Variants in FKBP5 observed in about 807,000 individuals in gnomAD.
FKBP5 encodes the protein peptidyl-prolyl cis-trans isomerase FKBP5.
FKBP5 carries 23 observed loss-of-function variants against 50.5 expected under a neutral mutation model. That is an observed-to-expected ratio of 0.46 (90% CI 0.33 to 0.65). The LOEUF (loss-of-function observed/expected upper bound fraction) is 0.65. Ranked by LOEUF, FKBP5 falls within the 30% of genes least tolerant of loss-of-function variation. The pLI is 0.02. For missense variants in FKBP5, 411 were observed against 553.1 expected, an observed-to-expected ratio of 0.74 and a Z score of 2.58; for synonymous variants, 176 against 190.6, an observed-to-expected ratio of 0.92 and a Z score of 0.63.
At chr6:35,639,067 T>C (rs1450562692) in intron 2 of FKBP5, among the ~76,000 whole-genome samples, 1 of 152,242 alleles carries the variant, frequency 6.6e-6, no homozygotes, top group Non-Finnish European at 1.5e-5. Flanking sequence ...ATCTAGGTTC[T>C]ATTCATTTTT....
chr6:35,588,895 C>T (rs1762703112), intron 7 of FKBP5, among the ~76,000 whole-genome samples: 1 of 150,724 alleles, frequency 6.6e-6, no homozygotes, highest in Admixed American at 6.6e-5. Context: ...AATGTGCTAC[C>T]ACACCCAGGA....
At chr6:35,640,927 A>C (rs1764467186) in intron 2 of FKBP5, among the ~76,000 whole-genome samples, 1 of 152,112 alleles carries the variant, frequency 6.6e-6, no homozygotes, top group Non-Finnish European at 1.5e-5. Flanking sequence ...CTCCTATAAT[A>C]ACAATGCCTT....
At chr6:35,584,627 C>A (rs1762545723) in intron 8 of FKBP5, 1 of 985,336 alleles carries the variant, frequency 1.0e-6, no homozygotes, top group Admixed American at 6.2e-5. Flanking sequence ...AGGACTACTG[C>A]TGGGATCTTT....
chr6:35,581,452 TG>T, intron 8 of FKBP5: 1 of 314,582 alleles, frequency 3.2e-6, no homozygotes, highest in Non-Finnish European at 4.6e-6. Context: ...GAGCCAGGCA[TG>T]GTGGCATATG....
intron 2 of FKBP5, among the ~76,000 whole-genome samples, chr6:35,637,461 T>C: frequency 8.4e-6 from 1 of 118,522 alleles, no homozygotes; most frequent in African/African-American, 4.4e-5. Flanking sequence ...TAAACTCTTT[T>C]TTTTTTTTTT....
rs541947803 is a variant in FKBP5, at chr6:35,665,489, CTA to C, written c.-19-22648_-19-22647del. ...TATTTTTAGTAGAGATAGGGTTTCA[CTA>C]TGTTTGCCAGAATGGTCTCAATCTC... On this transcript the variant is annotated intron_variant, in intron 1 of 10. Transcript: ENST00000357266. Among the ~76,000 whole-genome samples the C allele has an allele frequency of 1.1e-3, 170 of 152,230 alleles. 2 individuals carry two copies. Among genetic ancestry groups the C allele is most frequent in the Admixed American group, 2.4e-3 (37 of 15,300 alleles).
intron 5 of FKBP5, among the ~76,000 whole-genome samples, chr6:35,617,833 G>T (rs1318082884): frequency 6.6e-6 from 1 of 152,168 alleles, no homozygotes; most frequent in Non-Finnish European, 1.5e-5. Context: ...CATATAATTT[G>T]CTCCGGGAGG....
At chr6:35,582,782 C>T (rs1425349493) in intron 8 of FKBP5, 17 of 985,280 alleles carry the variant, frequency 1.7e-5, no homozygotes, top group Middle Eastern at 5.2e-4. Context: ...CATTTTCTTT[C>T]TGTCACTGCC....
At chr6:35,612,504 T>C (rs1209487192) in intron 5 of FKBP5, among the ~76,000 whole-genome samples, 2 of 152,238 alleles carry the variant, frequency 1.3e-5, no homozygotes, top group Non-Finnish European at 1.5e-5. Context: ...GTCCACTAAA[T>C]GTCTGACACT....
At chr6:35,597,859 A>T (rs929201641) in intron 5 of FKBP5, among the ~76,000 whole-genome samples, 1 of 152,234 alleles carries the variant, frequency 6.6e-6, no homozygotes, top group African/African-American at 2.4e-5. Context: ...AATGATATAC[A>T]AAGATTAAAT....
chr6:35,584,735 C>A (rs956805373), intron 8 of FKBP5: 1 of 985,378 alleles, frequency 1.0e-6, no homozygotes, highest in Non-Finnish European at 1.2e-6. Flanking sequence ...GGTTTTGAAC[C>A]TTTCATTAAT....
chr6:35,614,422 T>A (rs184208887), intron 5 of FKBP5, among the ~76,000 whole-genome samples: 4 of 152,240 alleles, frequency 2.6e-5, no homozygotes, highest in Non-Finnish European at 4.4e-5. Flanking sequence ...ATAAAACGAA[T>A]AATTAAAATT....
chr6:35,711,411 A>G (rs992184942), intron 2 of FKBP5, among the ~76,000 whole-genome samples: 16 of 152,002 alleles, frequency 1.1e-4, no homozygotes, highest in Non-Finnish European at 2.4e-4. Flanking sequence ...TGAGGTCAGG[A>G]GTTCAAGACC....
At chr6:35,718,234 G>A (rs1214507187) in intron 2 of FKBP5, among the ~76,000 whole-genome samples, 1 of 152,232 alleles carries the variant, frequency 6.6e-6, no homozygotes, top group Admixed American at 6.5e-5. Context: ...CTCGAGCAAA[G>A]GCACAGAGGC....
At position 35,619,279 on chromosome 6, in the gene FKBP5, G is replaced by A; in HGVS notation, c.394-69C>T. ...GCCAACTGAACATATGTGAAGGCAA[G>A]GGCAACCAATTATTTCATTTTACAA... On this transcript the variant is annotated intron_variant, in intron 4 of 10. Transcript: ENST00000357266. The A allele has an allele frequency of 3.3e-6, 3 of 916,900 alleles. No individual in the cohort carries two copies. In the South Asian group the frequency reaches 4.4e-5, roughly 14 times the overall value. The allele number at this position is 916,900 out of a possible 1,614,324, so 56.8% of individuals were successfully genotyped here. A position where few individuals can be genotyped will look rare whatever the true frequency, so the allele number is the denominator to read the frequency against.
chr6:35,626,027 C>T (rs1028717180), intron 3 of FKBP5, among the ~76,000 whole-genome samples: 5 of 152,000 alleles, frequency 3.3e-5, no homozygotes, highest in African/African-American at 4.8e-5. Flanking sequence ...GATCCGCCTG[C>T]CTCAGCCTCC....
chr6:35,664,111 G>A (rs1765150368), intron 1 of FKBP5, among the ~76,000 whole-genome samples: 1 of 152,168 alleles, frequency 6.6e-6, no homozygotes, highest in Non-Finnish European at 1.5e-5. Flanking sequence ...CCTGTGAACA[G>A]GCTCCATGCT....
At chr6:35,608,172 T>C (rs1012373888) in intron 5 of FKBP5, among the ~76,000 whole-genome samples, 19 of 152,008 alleles carry the variant, frequency 1.2e-4, no homozygotes, top group African/African-American at 4.3e-4. Flanking sequence ...AGCTAAACCC[T>C]GAGTATACAC....
chr6:35,636,890 C>A (rs970947308), intron 3 of FKBP5, 124 bp downstream of exon 3: 62 of 808,974 alleles, frequency 7.7e-5, no homozygotes, highest in Non-Finnish European at 1.0e-4. Flanking sequence ...ATTCTCAGAC[C>A]ATTCTTTGAG....
Sources: allele counts gnomAD v4.1 joint callset (sites outside exome capture counted in the v4.1 genomes callset), GRCh38; gene constraint gnomAD v4.1.1; transcripts MANE v1.5; gene names NCBI Gene and HGNC (gene_info 2026-07-23, HGNC 2026-07-21).